PFKFB2: variants seen among roughly 807,000 people sequenced by gnomAD.
PFKFB2 encodes the protein 6-phosphofructo-2-kinase/fructose-2,6-bisphosphatase 2.
A neutral mutation model predicts 68.0 loss-of-function variants in PFKFB2; 53 were observed. The ratio of observed to expected loss-of-function variants is 0.78; its 90% CI spans 0.63 to 0.98. PFKFB2 has a LOEUF of 0.98. Among genes scored for constraint, PFKFB2 ranks in the 50% least tolerant of loss-of-function variants. The pLI, the probability that PFKFB2 is intolerant of heterozygous loss-of-function variation, is 0.00. For missense variants in PFKFB2, 451 were observed against 642.0 expected, an observed-to-expected ratio of 0.70 and a Z score of 3.22; for synonymous variants, 222 against 227.6, an observed-to-expected ratio of 0.98 and a Z score of 0.22.
Position 207,074,521 on chromosome 1 carries a change from T to A in PFKFB2, c.*2150T>A. ...GTTGTCATCACTGGCAACTGACTCC[T>A]GACCCCGGGTCCTTTACTCGTATGT... On this transcript the variant is annotated 3_prime_UTR_variant, in exon 15 of 15. Transcript: ENST00000367080. 4.1e-6 allele frequency: 4 copies of A among 985,428 alleles called. No individual in the cohort carries two copies. Among genetic ancestry groups the A allele is most frequent in the Non-Finnish European group, 2.4e-6 (2 of 829,928 alleles). The allele number at this position is 985,428 out of a possible 1,614,324, so 61.0% of individuals were successfully genotyped here. A position where few individuals can be genotyped will look rare whatever the true frequency, so the allele number is the denominator to read the frequency against.
In PFKFB2 at chr1:207,076,055, T is replaced by C. The variant is rs989017222; in HGVS notation, c.*3684T>C. ...TCTGGTGTTTCGTTGTTGTTGTTAT[T>C]GTTTGTTTGTTTCCAAAGAAGTTGG... is the stretch of plus-strand genomic sequence containing the variant. On this transcript the variant is annotated 3_prime_UTR_variant, in exon 15 of 15. Transcript: ENST00000367080. 7.1e-6 allele frequency: 7 copies of C among 985,236 alleles called. No individual in the cohort carries two copies. The highest frequency in any genetic ancestry group is 2.4e-6 in the Non-Finnish European group (2 of 829,878). The allele number at this position is 985,236 out of a possible 1,614,324, so 61.0% of individuals were successfully genotyped here. A position where few individuals can be genotyped will look rare whatever the true frequency, so the allele number is the denominator to read the frequency against.
upstream of PFKFB2, chr1:207,052,263 T>G: frequency 6.2e-7 from 1 of 1,606,370 alleles, no homozygotes; most frequent in East Asian, 2.2e-5. Flanking sequence ...GACTCAATTT[T>G]TTTTTGCTGG....
At chr1:207,078,945 G>T, downstream of PFKFB2, 1 of 1,610,980 alleles carries the variant, frequency 6.2e-7, no homozygotes. Flanking sequence ...CTTCCTCTCT[G>T]GCTCGTAGGC....
Position 207,074,787 on chromosome 1 carries a change from A to T in PFKFB2, c.*2416A>T. 1 of 985,468 alleles carries T rather than the reference A, an allele frequency of 1.0e-6. No homozygotes were observed. 61.0% of individuals were successfully genotyped at this position (985,468 alleles called of 1,614,324 possible). ...AGAGACAGGACATGTAATTTATAAC[A>T]AATGGACATTTGCAATATAGCAACA... On this transcript the variant is annotated 3_prime_UTR_variant, in exon 15 of 15. Coordinates refer to ENST00000367080, the MANE Select transcript of PFKFB2 (RefSeq NM_006212.2).
rs201702529 is a variant in PFKFB2, at chr1:207,061,165, TTATATATATATA to T, written c.86-762_86-751del. On this transcript the variant is annotated intron_variant, in intron 2 of 14. Transcript: ENST00000367080. ...TCTTTATATATATTTATATATATCT[TTATATATATATA>T]TATATATATATATATATATATATAT... Among the ~76,000 whole-genome samples, 53 of 45,186 alleles carry T rather than the reference TTATATATATATA, an allele frequency of 1.2e-3. 2 individuals carry two copies. Among genetic ancestry groups the T allele is most frequent in the East Asian group, 2.7e-3 (5 of 1,834 alleles). 29.6% of individuals were successfully genotyped at this position (45,186 alleles called of 152,430 possible). A position where few individuals can be genotyped will look rare whatever the true frequency, so the allele number is the denominator to read the frequency against.
chr1:207,047,607 C>G (rs1023631484), intron 2 of PFKFB2: 2 of 152,440 alleles, frequency 1.3e-5, no homozygotes, highest in African/African-American at 4.8e-5. Flanking sequence ...ATTTAGCATC[C>G]CTGATCAGAA....
intron 1 of PFKFB2, among the ~76,000 whole-genome samples, chr1:207,054,271 C>G (rs1329965977): frequency 6.6e-6 from 1 of 152,096 alleles, no homozygotes; most frequent in Admixed American, 6.6e-5. Flanking sequence ...TTCGTCTATA[C>G]ATAACCCACC....
In PFKFB2 at chr1:207,077,355, G is replaced by T; in HGVS notation, c.*4984G>T. The stretch of plus-strand genomic sequence containing the variant: ...AAATTGATTTTAAGGGTTGGCAAAA[G>T]TATTTTTTCCAGTAAGCCTTTCACT... On this transcript the variant is annotated 3_prime_UTR_variant, in exon 15 of 15. Transcript: ENST00000367080. 1.0e-6 allele frequency: 1 copy of T among 984,736 alleles called. No individual in the cohort carries two copies. The highest frequency in any genetic ancestry group is 1.2e-6 in the Non-Finnish European group (1 of 829,302). The allele number at this position is 984,736 out of a possible 1,614,324, so 61.0% of individuals were successfully genotyped here.
At position 207,063,035 on chromosome 1, in the gene PFKFB2, T is replaced by G; in HGVS notation, c.309-108T>G. On this transcript the variant is annotated intron_variant, in intron 4 of 14. Transcript: ENST00000367080. The surrounding 1 kb of genome is among the most constrained non-coding windows in gnomAD (Gnocchi z 4.1). ...CTAGTTAGAGAAAGGTTTTGAACAGTGGGAAACTAAGTGGGCAGGGATGTG... is the reference window on the plus strand; with the variant it reads ...CTAGTTAGAGAAAGGTTTTGAACAGGGGGAAACTAAGTGGGCAGGGATGTG... The G allele has an allele frequency of 2.1e-6, 2 of 935,262 alleles. No homozygotes were observed. The highest frequency in any genetic ancestry group is 3.5e-6 in the Non-Finnish European group (2 of 569,594). The allele number at this position is 935,262 out of a possible 1,614,324, so 57.9% of individuals were successfully genotyped here.
intron 2 of PFKFB2, chr1:207,045,422 A>G (rs1682575805): frequency 6.6e-6 from 1 of 152,542 alleles, no homozygotes; most frequent in Admixed American, 6.5e-5. Context: ...TTGATTAAGA[A>G]GAGCTGATGG....
intron 1 of PFKFB2, among the ~76,000 whole-genome samples, chr1:207,035,674 C>CA (rs577038375): frequency 0.037 from 5,575 of 149,646 alleles, 262 homozygotes; most frequent in African/African-American, 0.11. Context: ...AACAAACAAA[C>CA]AAAAAAAACA....
At chr1:207,079,811 A>G (rs1019672394), downstream of PFKFB2, 4 of 152,246 alleles carry the variant, frequency 2.6e-5, no homozygotes, top group African/African-American at 9.6e-5. Flanking sequence ...GTAGAGTGCC[A>G]TTTATATCAC....
At chr1:207,069,638 T>C (rs1683407730) in intron 11 of PFKFB2, 110 bp downstream of exon 11, 1 of 685,196 alleles carries the variant, frequency 1.5e-6, no homozygotes, top group Non-Finnish European at 2.5e-6. Flanking sequence ...ATCATTTATC[T>C]TCCTTCCCTT....
rs142733751 is a variant in PFKFB2, at chr1:207,077,117, T to A, written c.*4746T>A. 3.0e-6 allele frequency: 3 copies of A among 984,856 alleles called. No homozygotes were observed. The African/African-American group carries it at 5.2e-5, about 17-fold the overall frequency. The allele number at this position is 984,856 out of a possible 1,614,324, so 61.0% of individuals were successfully genotyped here. On this transcript the variant is annotated 3_prime_UTR_variant, in exon 15 of 15. Transcript: ENST00000367080. ...GGGAATGCCTGTTCAGAGCCTGGAG[T>A]TGTTACCTTTACTTGAAGTCATCTC...
intron 2 of PFKFB2, among the ~76,000 whole-genome samples, chr1:207,061,153 T>TATATA (rs1683094220): frequency 8.8e-5 from 7 of 79,142 alleles, no homozygotes; most frequent in Admixed American, 1.5e-4. Flanking sequence ...TTATATATAT[T>TATATA]TATATATATC....
At chr1:207,035,023 C>G (rs1017720106) in intron 1 of PFKFB2, 1 of 387,624 alleles carries the variant, frequency 2.6e-6, no homozygotes, top group Non-Finnish European at 3.5e-6. Flanking sequence ...TTTCCAAAGT[C>G]AGTCAAAAGC....
At chr1:207,061,107 ATCTATATATC>A (rs1462405548) in intron 2 of PFKFB2, among the ~76,000 whole-genome samples, 1,372 of 75,356 alleles carry the variant, frequency 0.018, 96 homozygotes, top group African/African-American at 0.065. Context: ...CTTTATATAT[ATCTATATATC>A]TTTATATATA....
intron 2 of PFKFB2, chr1:207,047,297 C>T (rs1297679789): frequency 6.6e-6 from 1 of 152,552 alleles, no homozygotes; most frequent in Non-Finnish European, 1.5e-5. Context: ...ACAAAAGGTA[C>T]TCAAGAAATG....
At chr1:207,035,257 A>G (rs1438117612) in intron 1 of PFKFB2, 2 of 957,172 alleles carry the variant, frequency 2.1e-6, no homozygotes, top group Non-Finnish European at 2.5e-6. Flanking sequence ...TCTCAGTACA[A>G]CCTCCCCACT....
Sources: allele counts gnomAD v4.1 joint callset (sites outside exome capture counted in the v4.1 genomes callset), GRCh38; gene constraint gnomAD v4.1.1; non-coding constraint Gnocchi (gnomAD v3.1); transcripts MANE v1.5; gene names NCBI Gene and HGNC (gene_info 2026-07-23, HGNC 2026-07-21).